RIOK2: variants seen among roughly 807,000 people sequenced by gnomAD.
RIOK2 encodes the protein serine/threonine-protein kinase RIO2.
RIOK2 carries 46 observed loss-of-function variants against 62.4 expected under a neutral mutation model. That is an observed-to-expected ratio of 0.74 (90% CI 0.58 to 0.94). RIOK2 has a LOEUF of 0.94. RIOK2 is among the 40% of genes least tolerant of loss of function. The pLI is 0.00. For synonymous variants in RIOK2, 197 were observed against 216.0 expected, an observed-to-expected ratio of 0.91 and a Z score of 0.77; for missense variants, 574 against 658.0, an observed-to-expected ratio of 0.87 and a Z score of 1.40.
chr5:97,175,624 T>C (rs1172705313), intron 4 of RIOK2, among the ~76,000 whole-genome samples: 1 of 152,230 alleles, frequency 6.6e-6, no homozygotes, highest in Non-Finnish European at 1.5e-5. Flanking sequence ...TTGACATGTA[T>C]GGTATCAGTA....
chr5:97,172,772 C>G (rs546627656), intron 5 of RIOK2, among the ~76,000 whole-genome samples: 5 of 152,336 alleles, frequency 3.3e-5, no homozygotes, highest in African/African-American at 1.2e-4. Flanking sequence ...ACAGTAGTCT[C>G]CTGTCCCGTT....
chr5:97,175,111 T>C (rs1749130276), intron 4 of RIOK2, among the ~76,000 whole-genome samples: 1 of 152,034 alleles, frequency 6.6e-6, no homozygotes, highest in African/African-American at 2.4e-5. Flanking sequence ...TCATGTGTTA[T>C]CTTCTCAACT....
chr5:97,177,783 T>G lies in RIOK2; in HGVS notation c.271A>C (p.Arg91=). The G allele has an allele frequency of 6.2e-7, 1 of 1,613,614 alleles. No individual in the cohort carries two copies. The highest frequency in any genetic ancestry group is 8.5e-7 in the Non-Finnish European group (1 of 1,179,646). Residue 91 remains arginine (R), a synonymous_variant, in exon 3 of 10, where the codon AGG becomes CGG. Coordinates refer to ENST00000283109, the MANE Select transcript of RIOK2 (RefSeq NM_018343.3). ...DYLALKTLSS[R]QVVESVGNQM... ...TTTCCAACAGACTCAACTACTTGCC[T>G]AGAAGAAAGTGTTTTCAAAGCTAGG... is the stretch of plus-strand genomic sequence containing the variant.
chr5:97,165,348 ATT>A (rs915834130), intron 8 of RIOK2, among the ~76,000 whole-genome samples: 3 of 152,230 alleles, frequency 2.0e-5, no homozygotes, highest in African/African-American at 7.2e-5. Context: ...ATTTTCCAGC[ATT>A]TTGTTAGTCA....
At chr5:97,178,513 C>A (rs1368681399) in intron 2 of RIOK2, among the ~76,000 whole-genome samples, 1 of 150,538 alleles carries the variant, frequency 6.6e-6, no homozygotes, top group African/African-American at 2.5e-5. Flanking sequence ...ACCTGCTCTT[C>A]TGCAGTACTC....
At chr5:97,177,603 T>C in intron 3 of RIOK2, 129 bp downstream of exon 3, 1 of 653,690 alleles carries the variant, frequency 1.5e-6, no homozygotes, top group East Asian at 2.7e-5. Flanking sequence ...TGATTTGTAC[T>C]GCTTCCAATC....
At chr5:97,164,083 G>T (rs967640155) in intron 9 of RIOK2, among the ~76,000 whole-genome samples, 1 of 151,964 alleles carries the variant, frequency 6.6e-6, no homozygotes, top group Non-Finnish European at 1.5e-5. Context: ...TGTAGACAGG[G>T]GTCTTGCTAT....
intron 6 of RIOK2, among the ~76,000 whole-genome samples, chr5:97,170,054 C>T (rs1748955766): frequency 6.6e-6 from 1 of 152,120 alleles, no homozygotes; most frequent in African/African-American, 2.4e-5. Flanking sequence ...TAGACATTTT[C>T]TACTGGAAAC....
intron 3 of RIOK2, 120 bp from the exon 4 acceptor site, chr5:97,177,411 G>C: frequency 1.0e-6 from 1 of 961,804 alleles, no homozygotes; most frequent in South Asian, 1.8e-5. Flanking sequence ...TAAAGATTGA[G>C]TATCCCTCCT....
Position 97,173,197 on chromosome 5 carries a change from C to T in RIOK2, c.565G>A (p.Glu189Lys), listed in dbSNP as rs1749064165. 2 of 1,611,780 alleles carry T rather than the reference C, an allele frequency of 1.2e-6. No individual in the cohort carries two copies. The highest frequency in any genetic ancestry group is 2.7e-5 in the African/African-American group (2 of 74,978). Residue 189 changes from glutamate to lysine, a missense_variant, in exon 5 of 10, where the codon GAA (glutamate) becomes AAA (lysine). Transcript: ENST00000283109. The part of the protein sequence containing the change: ...IDYNRHAVVM[E>K]LINGYPLCQI... ...TACAGTGGATAACCATTTATGAGTT[C>T]CATGACCACTGCATGACGATTGTAA...
At chr5:97,176,924 C>A in intron 4 of RIOK2, 192 bp downstream of exon 4, 1 of 532,388 alleles carries the variant, frequency 1.9e-6, no homozygotes, top group Non-Finnish European at 3.3e-6. Context: ...TTTAAAATAC[C>A]TTAACGTAGA....
At position 97,180,872 on chromosome 5, in the gene RIOK2, T is replaced by C. The variant is rs775978237; in HGVS notation, c.67-1679A>G. Among the ~76,000 whole-genome samples, 71 of 152,032 alleles carry C rather than the reference T, an allele frequency of 4.7e-4. 2 individuals are homozygous for C. Among genetic ancestry groups the C allele is most frequent in the Non-Finnish European group, 8.1e-4 (55 of 68,016 alleles). On this transcript the variant is annotated intron_variant, in intron 1 of 9. Coordinates refer to ENST00000283109, the MANE Select transcript of RIOK2 (RefSeq NM_018343.3). ...ATTGGAAGTGATGAGGAAAAGCAAG[T>C]TTTAAGATTTTATTATTTTTTTTTT...
intron 4 of RIOK2, among the ~76,000 whole-genome samples, chr5:97,176,423 C>G (rs962653696): frequency 2.6e-5 from 4 of 152,166 alleles, no homozygotes; most frequent in Non-Finnish European, 4.4e-5. Flanking sequence ...CTCACTGCAA[C>G]CTCTGCTTCC....
At chr5:97,171,167 AT>A in intron 6 of RIOK2, 38 bp downstream of exon 6, 3 of 1,299,514 alleles carry the variant, frequency 2.3e-6, no homozygotes, top group Non-Finnish European at 3.0e-6. Flanking sequence ...CTCCAAAAAA[AT>A]AAAATAAAAT....
intron 1 of RIOK2, among the ~76,000 whole-genome samples, chr5:97,180,148 A>ATATATATATGTATATATGTG (rs1561522502): frequency 2.4e-5 from 3 of 126,654 alleles, no homozygotes; most frequent in African/African-American, 9.0e-5. Flanking sequence ...ATATGTATAT[A>ATATATATATGTATATATGTG]TATATATATA....
chr5:97,179,630 C>T (rs1236105891), intron 1 of RIOK2, among the ~76,000 whole-genome samples: 1 of 151,426 alleles, frequency 6.6e-6, no homozygotes, highest in Non-Finnish European at 1.5e-5. Context: ...TACTATGCAG[C>T]CATAAAAAAG....
chr5:97,182,990 T>A, intron 1 of RIOK2, 136 bp downstream of exon 1: 4 of 927,542 alleles, frequency 4.3e-6, no homozygotes, highest in Non-Finnish European at 7.2e-6. Flanking sequence ...TTCTGAATGC[T>A]CTCTTCTCCA....
chr5:97,162,792 A>G lies in RIOK2; in HGVS notation c.*269T>C, dbSNP rs945972224. The G allele has an allele frequency of 2.9e-5, 10 of 346,554 alleles. No homozygotes were observed. The highest frequency in any genetic ancestry group is 4.7e-5 in the Non-Finnish European group (9 of 192,462). 21.5% of individuals were successfully genotyped at this position (346,554 alleles called of 1,614,324 possible). On this transcript the variant is annotated 3_prime_UTR_variant, in exon 10 of 10. Coordinates refer to ENST00000283109, the MANE Select transcript of RIOK2 (RefSeq NM_018343.3). ...TCATCCTCAACAAACAGAAAACAAC[A>G]AAAATGTTATTTAGATTTTTAAAAA...
At position 97,183,113 on chromosome 5, in the gene RIOK2, G is replaced by A. The variant is rs754093844; in HGVS notation, c.66+13C>T. The A allele has an allele frequency of 3.7e-6, 6 of 1,613,956 alleles. No individual in the cohort carries two copies. The highest frequency in any genetic ancestry group is 3.3e-5 in the Admixed American group (2 of 60,032). ...TTAAGGGGAAGGGAGAACAGGAACG[G>A]CGGGTTTCTTACCGCGGTCAAGACC... On this transcript the variant is annotated intron_variant, in intron 1 of 9. Transcript: ENST00000283109.
Sources: allele counts gnomAD v4.1 joint callset (sites outside exome capture counted in the v4.1 genomes callset), GRCh38; gene constraint gnomAD v4.1.1; transcripts MANE v1.5; gene names NCBI Gene and HGNC (gene_info 2026-07-23, HGNC 2026-07-21).